Variants in PTGER3 observed in about 807,000 individuals in gnomAD.
PTGER3 encodes prostaglandin E receptor 3.
PTGER3 carries 22 observed loss-of-function variants against 34.7 expected under a neutral mutation model. The observed-to-expected ratio is 0.63, with a 90% confidence interval of 0.45 to 0.91. The LOEUF (loss-of-function observed/expected upper bound fraction) is 0.91, where lower values mean the gene tolerates loss of function less well. Among genes scored for constraint, PTGER3 ranks in the 40% least tolerant of loss-of-function variants. PTGER3 has a pLI of 0.00. For missense variants in PTGER3, 468 were observed against 519.4 expected (o/e 0.90, Z 0.96); for synonymous variants, 241 against 230.1 (o/e 1.05, Z -0.43).
chr1:70,883,322 A>T (rs934540663), intron 4 of PTGER3, among the ~76,000 whole-genome samples: 1 of 152,200 alleles, frequency 6.6e-6, no homozygotes, highest in African/African-American at 2.4e-5. Flanking sequence ...AATCTTATTA[A>T]CACATTCATA....
intron 4 of PTGER3, chr1:70,865,680 T>C (rs1646025927): frequency 1.5e-6 from 2 of 1,366,120 alleles, no homozygotes. Flanking sequence ...ATGTGGAGTC[T>C]TTACTTACTA....
intron 4 of PTGER3, among the ~76,000 whole-genome samples, chr1:70,904,985 C>A (rs1646915019): frequency 6.6e-6 from 1 of 152,204 alleles, no homozygotes; most frequent in East Asian, 1.9e-4. Flanking sequence ...GGCCTAAGGT[C>A]CCTGTGCTGT....
Position 71,047,569 on chromosome 1 carries a change from C to T in PTGER3, c.9G>A (p.Glu3=). The T allele has an allele frequency of 6.5e-7, 1 of 1,547,428 alleles. No individual in the cohort carries two copies. Among genetic ancestry groups the T allele is most frequent in the Non-Finnish European group, 8.8e-7 (1 of 1,142,058 alleles). Reference sequence around the variant, plus strand: ...GGGCATCCCCTCCGTAGCCCCGGGTCTCCTTCATGTTGGCTTCGAGGTGAG... The same window carrying T: ...GGGCATCCCCTCCGTAGCCCCGGGTTTCCTTCATGTTGGCTTCGAGGTGAG... MK[E]TRGYGGDAPF... is the part of the protein sequence containing the mutation. The change falls in exon 1 of 4, where the codon GAG becomes GAA. Residue 3 remains glutamate (E), a synonymous_variant. Transcript: ENST00000306666.
chr1:70,939,858 A>G (rs1649593690), intron 4 of PTGER3, among the ~76,000 whole-genome samples: 1 of 152,102 alleles, frequency 6.6e-6, no homozygotes, highest in African/African-American at 2.4e-5. Flanking sequence ...TCTCTCACAT[A>G]GCCTGGAGAC....
At chr1:70,981,363 CTTT>C (rs1282447592) in intron 2 of PTGER3, among the ~76,000 whole-genome samples, 175 of 98,206 alleles carry the variant, frequency 1.8e-3, no homozygotes, top group African/African-American at 5.3e-3. Flanking sequence ...TTCTTTCTTT[CTTT>C]CTTTCTTTCT....
At chr1:71,017,399 AC>A (rs1658003541) in intron 1 of PTGER3, among the ~76,000 whole-genome samples, 1 of 152,150 alleles carries the variant, frequency 6.6e-6, no homozygotes, top group African/African-American at 2.4e-5. Context: ...GCCCTGTAGC[AC>A]CTTTACTTTA....
chr1:70,859,537 G>T (rs1645881443), intron 4 of PTGER3, among the ~76,000 whole-genome samples: 1 of 152,276 alleles, frequency 6.6e-6, no homozygotes, highest in African/African-American at 2.4e-5. Context: ...AGTTGGCACT[G>T]TAATTTTATT....
At chr1:70,994,820 AT>A (rs959913659) in intron 2 of PTGER3, among the ~76,000 whole-genome samples, 10 of 151,818 alleles carry the variant, frequency 6.6e-5, no homozygotes, top group South Asian at 2.1e-4. Context: ...TATTTGTACT[AT>A]TTTTTTTGGT....
intron 4 of PTGER3, among the ~76,000 whole-genome samples, chr1:70,938,594 T>A (rs1649462577): frequency 6.6e-6 from 1 of 152,152 alleles, no homozygotes; most frequent in Non-Finnish European, 1.5e-5. Context: ...GTGGTCTAAT[T>A]GGACTACGGT....
chr1:70,972,619 T>TGACC (rs1653206767), intron 3 of PTGER3, among the ~76,000 whole-genome samples: 1 of 152,076 alleles, frequency 6.6e-6, no homozygotes, highest in Non-Finnish European at 1.5e-5. Flanking sequence ...GTGGCAAATT[T>TGACC]GACCACAAAA....
chr1:70,986,243 A>G (rs1047526665), intron 2 of PTGER3, among the ~76,000 whole-genome samples: 4 of 150,774 alleles, frequency 2.7e-5, no homozygotes, highest in Admixed American at 6.6e-5. Flanking sequence ...ATGGGCCACA[A>G]TCGACTCTCG....
intron 1 of PTGER3, among the ~76,000 whole-genome samples, chr1:71,038,211 G>A (rs1475978680): frequency 6.6e-6 from 1 of 152,078 alleles, no homozygotes; most frequent in African/African-American, 2.4e-5. Flanking sequence ...TTTATTATGT[G>A]TTCAGAAAGA....
intron 4 of PTGER3, among the ~76,000 whole-genome samples, chr1:70,854,020 A>G (rs1645744021): frequency 6.6e-6 from 1 of 152,346 alleles, no homozygotes; most frequent in Non-Finnish European, 1.5e-5. Flanking sequence ...ATATAAAACT[A>G]TAAGAAGAAC....
intron 4 of PTGER3, among the ~76,000 whole-genome samples, chr1:70,895,110 C>T (rs1046279651): frequency 6.6e-6 from 1 of 152,050 alleles, no homozygotes; most frequent in South Asian, 2.1e-4. Context: ...TACTGAGTTC[C>T]CCCCAGCACC....
intron 4 of PTGER3, among the ~76,000 whole-genome samples, chr1:70,878,072 T>C (rs962963458): frequency 1.3e-5 from 2 of 152,148 alleles, no homozygotes; most frequent in Non-Finnish European, 2.9e-5. Flanking sequence ...GTAAGTCTGG[T>C]AGAATTCGGC....
At chr1:71,004,653 A>G (rs1656780358) in intron 2 of PTGER3, among the ~76,000 whole-genome samples, 1 of 152,148 alleles carries the variant, frequency 6.6e-6, no homozygotes, top group Admixed American at 6.5e-5. Flanking sequence ...GGAGACAAAG[A>G]CTCACTTTAG....
At chr1:71,036,281 GC>G (rs1339813400) in intron 1 of PTGER3, among the ~76,000 whole-genome samples, 1 of 152,122 alleles carries the variant, frequency 6.6e-6, no homozygotes, top group African/African-American at 2.4e-5. Flanking sequence ...AAGATTTGAA[GC>G]CAAAAAACTT....
rs781050260 is a variant in PTGER3 at position 70,971,688 on chromosome 1, G to T, written c.*42C>A. The T allele has an allele frequency of 1.3e-6, 2 of 1,548,746 alleles. No homozygotes were observed. Among genetic ancestry groups the T allele is most frequent in the South Asian group, 1.3e-5 (1 of 77,274 alleles). On this transcript the variant is annotated 3_prime_UTR_variant, in exon 4 of 4. Transcript: ENST00000306666. ...GGTGGGAAGAAATATGCAAATTCAGGGAAGCAGGAATTGCAATAAAATGTC... is the reference window on the plus strand; with the variant it reads ...GGTGGGAAGAAATATGCAAATTCAGTGAAGCAGGAATTGCAATAAAATGTC...
intron 4 of PTGER3, among the ~76,000 whole-genome samples, chr1:70,856,350 G>A (rs1239512003): frequency 6.8e-6 from 1 of 147,388 alleles, no homozygotes; most frequent in Non-Finnish European, 1.5e-5. Context: ...TGAGGCAAGA[G>A]AATCATTTGA....
Sources: allele counts gnomAD v4.1 joint callset (sites outside exome capture counted in the v4.1 genomes callset), GRCh38; gene constraint gnomAD v4.1.1; transcripts MANE v1.5; gene names NCBI Gene and HGNC (gene_info 2026-07-23, HGNC 2026-07-21).